ABCA7: variants seen among roughly 807,000 people sequenced by gnomAD.
ABCA7 encodes phospholipid-transporting ATPase ABCA7.
A neutral mutation model predicts 227.6 loss-of-function variants in ABCA7; 261 were observed. The ratio of observed to expected loss-of-function variants is 1.15; its 90% CI spans 1.04 to 1.27. ABCA7 has a LOEUF of 1.27. ABCA7 is among the 50% of genes most tolerant of loss of function. ABCA7 has a pLI of 0.00. For missense variants in ABCA7, 3,331 were observed against 2,924.5 expected, an observed-to-expected ratio of 1.14 and a Z score of -3.21; for synonymous variants, 1,488 against 1,279.7, an observed-to-expected ratio of 1.16 and a Z score of -3.47.
chr19:1,053,449 C>A lies in ABCA7; in HGVS notation c.3341C>A (p.Ala1114Asp), dbSNP rs1298111425. 6 of 1,601,232 alleles carry A rather than the reference C, an allele frequency of 3.7e-6. No individual in the cohort carries two copies. The highest frequency in any genetic ancestry group is 1.7e-4 in the Middle Eastern group (1 of 5,912). ...ACGGGTGCCCATGACGGCAGCTTCG[C>A]CACACTCTTCCGAGAGCTAGACACG... ...PYTGAHDGSF[A>D]TLFRELDTRL... Residue 1114 changes from alanine to aspartate, a missense_variant, in exon 24 of 47, where the codon GCC (alanine) becomes GAC (aspartate). By Grantham distance (126) the Ala-to-Asp change is moderately radical. Coordinates refer to ENST00000263094, the MANE Select transcript of ABCA7 (RefSeq NM_019112.4).
intron 40 of ABCA7, among the ~76,000 whole-genome samples, chr19:1,059,473 G>T (rs2042512553): frequency 6.6e-6 from 1 of 150,936 alleles, no homozygotes; most frequent in South Asian, 2.1e-4. Context: ...CACCGTGTTA[G>T]CCAGGATGGT....
intron 40 of ABCA7, among the ~76,000 whole-genome samples, chr19:1,060,333 TC>T (rs2042575879): frequency 6.6e-6 from 1 of 151,764 alleles, no homozygotes. Flanking sequence ...AGCCTCAGCC[TC>T]CCGAGTAGCT....
chr19:1,045,109 G>C lies in ABCA7; in HGVS notation c.1323G>C (p.Leu441Phe), dbSNP rs1187414163. The change falls in exon 12 of 47, where the codon TTG (leucine) becomes TTC (phenylalanine). Residue 441 changes from leucine to phenylalanine, a missense_variant. Transcript: ENST00000263094. ...EHRFWAGVVF[L>F]GPEDSSDPTE... The stretch of plus-strand genomic sequence containing the variant: ...GATTCTGGGCCGGCGTCGTCTTCTT[G>C]GGACCTGAGGACTCTTCAGACCCCA... 11 of 1,612,862 alleles carry C rather than the reference G, an allele frequency of 6.8e-6. No homozygotes were observed. The highest frequency in any genetic ancestry group is 9.3e-6 in the Non-Finnish European group (11 of 1,179,996).
In ABCA7 at chr19:1,045,250, C is replaced by T. The variant is rs1354100301; in HGVS notation, c.1445+19C>T. ...GGGACAGGTCAGGCGAGGGAGGGGG[C>T]GGGGGGATGAGGGACTGGGCGGGGC... On this transcript the variant is annotated intron_variant, in intron 12 of 46. Transcript: ENST00000263094. 1.8e-6 allele frequency: 1 copy of T among 544,000 alleles called. No homozygotes were observed. Among genetic ancestry groups the T allele is most frequent in the Non-Finnish European group, 3.0e-6 (1 of 333,654 alleles). 33.7% of individuals were successfully genotyped at this position (544,000 alleles called of 1,614,324 possible).
Position 1,048,886 on chromosome 19 carries a change from T to TC in ABCA7, c.2270-5dup. On this transcript the variant is annotated splice_polypyrimidine_tract_variant and intron_variant, in intron 16 of 46. Transcript: ENST00000263094. ...TGGGCTAAGCAATAACCCGCGCCCC[T>TC]CCCCGCAGGCCAGTACGGGATCCCT... is the stretch of plus-strand genomic sequence containing the variant. 6.4e-7 allele frequency: 1 copy of TC among 1,552,930 alleles called. No individual in the cohort carries two copies. The highest frequency in any genetic ancestry group is 8.7e-7 in the Non-Finnish European group (1 of 1,143,486).
intron 42 of ABCA7, among the ~76,000 whole-genome samples, chr19:1,062,634 C>A (rs941007326): frequency 4.6e-5 from 7 of 151,978 alleles, no homozygotes; most frequent in Non-Finnish European, 7.4e-5. Context: ...TGCCTACCCC[C>A]TAGGGCTTCG....
intron 21 of ABCA7, 31 bp from the exon 22 acceptor site, chr19:1,051,911 T>A (rs199727510): frequency 2.1e-5 from 33 of 1,602,766 alleles, no homozygotes; most frequent in Non-Finnish European, 2.5e-5. Context: ...GGCGGCCTGA[T>A]GGTAGTTGTG....
Position 1,056,528 on chromosome 19 carries a change from C to A in ABCA7, c.4586+29C>A, listed in dbSNP as rs1186985751. The stretch of plus-strand genomic sequence containing the variant: ...AGTCCCTCCACCCTGCATGTCCTAC[C>A]CTGCACGTCCTACCCTGCCTCCATT... On this transcript the variant is annotated intron_variant, in intron 33 of 46. Transcript: ENST00000263094. The surrounding 1 kb of genome is among the most constrained non-coding windows in gnomAD (Gnocchi z 4.3). The A allele has an allele frequency of 2.5e-6, 4 of 1,588,510 alleles. No homozygotes were observed. Among genetic ancestry groups the A allele is most frequent in the Non-Finnish European group, 2.6e-6 (3 of 1,166,002 alleles).
intron 16 of ABCA7, among the ~76,000 whole-genome samples, chr19:1,048,058 C>T (rs970861662): frequency 2.6e-5 from 4 of 151,798 alleles, no homozygotes; most frequent in Admixed American, 6.6e-5. Context: ...GCACGCTGGG[C>T]GTGGTGGCAC....
At chr19:1,061,171 A>G (rs1433401038) in intron 40 of ABCA7, among the ~76,000 whole-genome samples, 1 of 151,774 alleles carries the variant, frequency 6.6e-6, no homozygotes, top group East Asian at 1.9e-4. Flanking sequence ...CCAAGGCAGG[A>G]GGATCACTTG....
intron 6 of ABCA7, 172 bp downstream of exon 6, chr19:1,042,569 C>G (rs1249152192): frequency 2.0e-6 from 2 of 1,021,876 alleles, no homozygotes; most frequent in African/African-American, 3.2e-5. Flanking sequence ...GTGTCTGACC[C>G]AGTGAGGAAG....
Position 1,065,016 on chromosome 19 carries a change from G to A in ABCA7, c.6130G>A (p.Gly2044Arg), listed in dbSNP as rs1432000611. ...AAAFVAAEFP[G>R]AELREAHGGR... is the part of the protein sequence containing the mutation. The stretch of plus-strand genomic sequence containing the variant: ...GGCCTTCGTGGCGGCCGAGTTCCCT[G>A]GGGCGGAGCTGCGCGAGGCACATGG... The change falls in exon 46 of 47, where the codon GGG becomes AGG. Residue 2044 changes from glycine to arginine, a missense_variant. By Grantham distance (125) the Gly-to-Arg change is moderately radical. Coordinates refer to ENST00000263094, the MANE Select transcript of ABCA7 (RefSeq NM_019112.4). 1 of 1,557,278 alleles carries A rather than the reference G, an allele frequency of 6.4e-7. No individual in the cohort carries two copies. Among genetic ancestry groups the A allele is most frequent in the South Asian group, 1.2e-5 (1 of 85,282 alleles).
Position 1,065,339 on chromosome 19 carries a change from G to A in ABCA7, c.6355G>A (p.Gly2119Arg). The change falls in exon 47 of 47, where the codon GGA becomes AGA. Residue 2119 changes from glycine (G) to arginine (R), a missense_variant. Physicochemically the swap from Gly to Arg is moderately radical, Grantham distance 125. Transcript: ENST00000263094. Reference protein sequence around the residue: ...DTEEQKEAGVGVDPAPGLQHP... With the variant: ...DTEEQKEAGVRVDPAPGLQHP... ...CGAAGAGCAGAAGGAGGCAGGAGTGGGAGTGGACCCCGCGCCAGGCCTGCA... is the reference window on the plus strand; with the variant it reads ...CGAAGAGCAGAAGGAGGCAGGAGTGAGAGTGGACCCCGCGCCAGGCCTGCA... 1 of 1,613,656 alleles carries A rather than the reference G, an allele frequency of 6.2e-7. No homozygotes were observed. Among genetic ancestry groups the A allele is most frequent in the Non-Finnish European group, 8.5e-7 (1 of 1,179,998 alleles).
rs775120843 is a variant in ABCA7 at position 1,043,377 on chromosome 19, G to A, written c.834G>A (p.Pro278=). 6.2e-6 allele frequency: 10 copies of A among 1,613,032 alleles called. No individual in the cohort carries two copies. Among genetic ancestry groups the A allele is most frequent in the African/African-American group, 4.0e-5 (3 of 74,918 alleles). ...SELIGALDSH[P]LSRLLWRRLK... is the part of the protein sequence containing the mutation. ...TGATTGGAGCCCTGGACAGCCACCCGCTGTCCCGCCTGCTCTGGAGACGCC... is the reference window on the plus strand; with the variant it reads ...TGATTGGAGCCCTGGACAGCCACCCACTGTCCCGCCTGCTCTGGAGACGCC... Residue 278 remains proline, a synonymous_variant, in exon 9 of 47, where the codon CCG becomes CCA. Coordinates refer to ENST00000263094, the MANE Select transcript of ABCA7 (RefSeq NM_019112.4).
In ABCA7 at chr19:1,044,733, C is replaced by A. The variant is rs771935858; in HGVS notation, c.1204C>A (p.Arg402=). 1.9e-6 allele frequency: 3 copies of A among 1,607,462 alleles called. No individual in the cohort carries two copies. The South Asian group carries it at 3.3e-5, about 18-fold the overall frequency. Residue 402 remains arginine (R), a synonymous_variant, in exon 11 of 47, where the codon CGA becomes AGA. Transcript: ENST00000263094. ...GGGGCACCTGGTGGGCACGCTGGGC[C>A]GAGTGACGGAGGTGAGGGCCTGTCC... ...DVGHLVGTLG[R]VTECLSLDKL...
chr19:1,060,207 A>ATATATATATATTTTTT, intron 40 of ABCA7, among the ~76,000 whole-genome samples: 3 of 96,768 alleles, frequency 3.1e-5, no homozygotes, highest in African/African-American at 1.0e-4. Flanking sequence ...ATATATATAT[A>ATATATATATATTTTTT]TTTTTTTTTC....
rs148635111 is a variant in ABCA7 at position 1,063,613 on chromosome 19, G to A, written c.5782G>A (p.Gly1928Arg). 1.1e-4 allele frequency: 179 copies of A among 1,611,270 alleles called. No homozygotes were observed. The highest frequency in any genetic ancestry group is 1.1e-3 in the Admixed American group (63 of 59,998). Residue 1928 changes from glycine to arginine, a missense_variant, in exon 43 of 47, where the codon GGA (glycine) becomes AGA (arginine). Coordinates refer to ENST00000263094, the MANE Select transcript of ABCA7 (RefSeq NM_019112.4). ...YADRPAGTYS[G>R]GNKRKLATAL... ...AGACCGGCCTGCAGGCACCTACAGCGGAGGGAACAAACGCAAGCTGGCGAC... is the reference window on the plus strand; with the variant it reads ...AGACCGGCCTGCAGGCACCTACAGCAGAGGGAACAAACGCAAGCTGGCGAC...
intron 12 of ABCA7, 139 bp from the exon 13 acceptor site, chr19:1,046,091 T>C (rs1294383335): frequency 1.0e-6 from 1 of 971,410 alleles, no homozygotes; most frequent in Non-Finnish European, 1.5e-6. Context: ...AGGTCAAGGC[T>C]GCAGTGAGCT....
Position 1,051,578 on chromosome 19 carries a change from AC to A in ABCA7, c.2956del (p.Arg986GlufsTer6). The A allele has an allele frequency of 6.2e-7, 1 of 1,611,924 alleles. No individual in the cohort carries two copies. Among genetic ancestry groups the A allele is most frequent in the Non-Finnish European group, 8.5e-7 (1 of 1,179,442 alleles). Reference sequence around the variant, plus strand: ...GGTATTTGGGAGCTGCTGCTCAAATACCGAGAAGGTAAGAGCTGGGGATTCT... The same window carrying A: ...GGTATTTGGGAGCTGCTGCTCAAATACGAGAAGGTAAGAGCTGGGGATTCT... ...RRGIWELLLK[Y>X]REGRTLILST... On this transcript the variant is annotated frameshift_variant, in exon 21 of 47. Coordinates refer to ENST00000263094, the MANE Select transcript of ABCA7 (RefSeq NM_019112.4). LOFTEE classifies it high-confidence loss of function.
Sources: gnomAD v4.1 joint callset for allele counts (sites outside exome capture counted in the v4.1 genomes callset) on GRCh38, gnomAD v4.1.1 for gene constraint, Gnocchi (gnomAD v3.1) non-coding constraint, MANE v1.5 for transcripts, NCBI Gene and HGNC (gene_info 2026-07-23, HGNC 2026-07-21) for gene names.